VTI1A: variants seen among roughly 807,000 people sequenced by gnomAD.
VTI1A encodes vesicle transport through interaction with t-SNAREs 1A.
VTI1A carries 22 observed loss-of-function variants against 34.9 expected under a neutral mutation model. That is an observed-to-expected ratio of 0.63 (90% confidence interval 0.45 to 0.90). The LOEUF (loss-of-function observed/expected upper bound fraction) is 0.90. VTI1A is among the 40% of genes least tolerant of loss of function. VTI1A has a pLI of 0.00. For synonymous variants in VTI1A, 87 were observed against 97.3 expected, an observed-to-expected ratio of 0.89 and a Z score of 0.62; for missense variants, 268 against 275.6, an observed-to-expected ratio of 0.97 and a Z score of 0.20.
intron 7 of VTI1A, among the ~76,000 whole-genome samples, chr10:112,723,284 G>C (rs74317490): frequency 6.6e-6 from 1 of 152,156 alleles, no homozygotes. Flanking sequence ...GCTCTTCCCT[G>C]TACAGGACTA....
intron 4 of VTI1A, among the ~76,000 whole-genome samples, chr10:112,532,244 A>G (rs1158819348): frequency 6.6e-6 from 1 of 152,234 alleles, no homozygotes; most frequent in African/African-American, 2.4e-5. Flanking sequence ...GCTATAGTAA[A>G]CATGATACTT....
chr10:112,626,463 A>C (rs1471245090), intron 5 of VTI1A, among the ~76,000 whole-genome samples: 1 of 152,188 alleles, frequency 6.6e-6, no homozygotes, highest in East Asian at 1.9e-4. Flanking sequence ...GATTTATAGA[A>C]TTAATCTGTA....
intron 7 of VTI1A, among the ~76,000 whole-genome samples, chr10:112,714,441 C>T (rs192379903): frequency 6.6e-6 from 1 of 152,282 alleles, no homozygotes; most frequent in Admixed American, 6.5e-5. Context: ...ACTTTGCTTT[C>T]TTTACTGCTA....
chr10:112,733,627 C>T (rs897334236), intron 7 of VTI1A, among the ~76,000 whole-genome samples: 4 of 152,168 alleles, frequency 2.6e-5, no homozygotes, highest in African/African-American at 9.7e-5. Flanking sequence ...GTCTGAGAAA[C>T]AGCTGGGTCC....
chr10:112,758,040 G>A (rs1353790848), intron 7 of VTI1A, among the ~76,000 whole-genome samples: 3 of 152,098 alleles, frequency 2.0e-5, no homozygotes, highest in Non-Finnish European at 4.4e-5. Flanking sequence ...TGTAAGTATT[G>A]TCATTTATTT....
At chr10:112,749,752 G>A (rs1340106914) in intron 7 of VTI1A, among the ~76,000 whole-genome samples, 1 of 152,214 alleles carries the variant, frequency 6.6e-6, no homozygotes, top group African/African-American at 2.4e-5. Context: ...CTATGCTCTA[G>A]TTTGAAGACT....
At chr10:112,531,354 G>A (rs1303327859) in intron 4 of VTI1A, among the ~76,000 whole-genome samples, 2 of 151,990 alleles carry the variant, frequency 1.3e-5, no homozygotes, top group Admixed American at 6.5e-5. Flanking sequence ...CTCTCATGTT[G>A]CCTATGATGG....
intron 5 of VTI1A, among the ~76,000 whole-genome samples, chr10:112,655,737 G>T (rs1287922153): frequency 6.6e-6 from 1 of 152,170 alleles, no homozygotes; most frequent in East Asian, 1.9e-4. Flanking sequence ...ATCTGTCCCA[G>T]GGCCAGGTAT....
intron 5 of VTI1A, among the ~76,000 whole-genome samples, chr10:112,660,000 G>A (rs920945217): frequency 2.6e-5 from 4 of 152,164 alleles, no homozygotes; most frequent in African/African-American, 9.7e-5. Context: ...TTTTTAAAAC[G>A]TTATTCTGGG....
At chr10:112,839,897 G>C in the VTI1A span, among the ~76,000 whole-genome samples, 1 of 145,398 alleles carries the variant, frequency 6.9e-6, no homozygotes, top group East Asian at 2.1e-4. Flanking sequence ...GTGTAGATCA[G>C]AATGGCCCAA....
intron 5 of VTI1A, among the ~76,000 whole-genome samples, chr10:112,612,409 T>C (rs1266162913): frequency 6.6e-6 from 1 of 152,176 alleles, no homozygotes; most frequent in Non-Finnish European, 1.5e-5. Flanking sequence ...AGCACCTTTT[T>C]GTTTTGTTTT....
chr10:112,771,972 G>A (rs992920301), intron 7 of VTI1A, among the ~76,000 whole-genome samples: 3 of 152,184 alleles, frequency 2.0e-5, no homozygotes, highest in Non-Finnish European at 2.9e-5. Flanking sequence ...TGGACATTTA[G>A]GTTGTTTCTG....
chr10:112,447,575 G>T, intron 1 of VTI1A, 108 bp downstream of exon 1: 1 of 1,295,632 alleles, frequency 7.7e-7, no homozygotes, highest in African/African-American at 1.5e-5. Context: ...GCTGGAGTGG[G>T]TGGTGCCGGC....
At chr10:112,617,843 G>A (rs2134547584) in intron 5 of VTI1A, among the ~76,000 whole-genome samples, 1 of 152,228 alleles carries the variant, frequency 6.6e-6, no homozygotes, top group Admixed American at 6.5e-5. Context: ...AAGATGCCTG[G>A]GAATGAATAT....
At chr10:112,819,794 T>C (rs1441935755), downstream of VTI1A, among the ~76,000 whole-genome samples, 3 of 152,210 alleles carry the variant, frequency 2.0e-5, no homozygotes, top group African/African-American at 7.2e-5. Context: ...GCTGTCTATG[T>C]CTGCTCAGCC....
At chr10:112,537,506 T>G (rs1850690560) in intron 4 of VTI1A, among the ~76,000 whole-genome samples, 1 of 151,494 alleles carries the variant, frequency 6.6e-6, no homozygotes, top group Admixed American at 6.6e-5. Flanking sequence ...ATCCTCTAAT[T>G]TCCCCATCAG....
At chr10:112,660,931 G>T (rs973703345) in intron 5 of VTI1A, among the ~76,000 whole-genome samples, 3 of 151,848 alleles carry the variant, frequency 2.0e-5, no homozygotes, top group Non-Finnish European at 4.4e-5. Context: ...TATTTTAAAC[G>T]GTTACTTTGA....
intron 7 of VTI1A, among the ~76,000 whole-genome samples, chr10:112,808,790 CTT>C (rs1286758746): frequency 6.6e-6 from 1 of 152,164 alleles, no homozygotes; most frequent in African/African-American, 2.4e-5. Context: ...GAATCCGTCT[CTT>C]TTTCTTTATC....
chr10:112,528,579 G>A (rs1850319630), intron 4 of VTI1A, among the ~76,000 whole-genome samples: 1 of 152,130 alleles, frequency 6.6e-6, no homozygotes, highest in African/African-American at 2.4e-5. Flanking sequence ...TAAATAATGT[G>A]AGGATGAGAG....
Sources: gnomAD v4.1 joint callset for allele counts (sites outside exome capture counted in the v4.1 genomes callset) on GRCh38, gnomAD v4.1.1 for gene constraint, MANE v1.5 for transcripts, NCBI Gene and HGNC (gene_info 2026-07-23, HGNC 2026-07-21) for gene names.